The following TLL1 variants were observed in gnomAD, a reference collection of about 807,000 sequenced individuals.
TLL1 encodes the protein tolloid like 1.
In TLL1, 49 loss-of-function variants were observed where a neutral mutation model predicts 128.2. That is an observed-to-expected ratio of 0.38 (90% CI 0.30 to 0.48). The LOEUF (loss-of-function observed/expected upper bound fraction) is 0.48, where lower values mean the gene tolerates loss of function less well. TLL1 is among the 20% of genes least tolerant of loss of function. The pLI, the probability that TLL1 is intolerant of heterozygous loss-of-function variation, is 0.96. For missense variants in TLL1, 1,123 were observed against 1,242.0 expected (o/e 0.90, Z 1.44); for synonymous variants, 454 against 418.8 (o/e 1.08, Z -1.03).
intron 1 of TLL1, among the ~76,000 whole-genome samples, chr4:165,907,985 T>C (rs562601465): frequency 1.3e-5 from 2 of 152,342 alleles, no homozygotes; most frequent in East Asian, 1.9e-4. Context: ...AGATACTCTT[T>C]ACCAGTTCAC....
chr4:166,045,425 A>T (rs183315685), intron 12 of TLL1, among the ~76,000 whole-genome samples: 1 of 152,246 alleles, frequency 6.6e-6, no homozygotes. Context: ...CCAATCTATC[A>T]GCATATATCA....
At chr4:166,078,217 G>A (rs773292078) in intron 18 of TLL1, among the ~76,000 whole-genome samples, 187 bp downstream of exon 18, 5 of 152,028 alleles carry the variant, frequency 3.3e-5, no homozygotes, top group African/African-American at 9.7e-5. Context: ...TGACTGCCAC[G>A]TTGTTCTCCT....
chr4:166,026,016 A>G (rs1300468772), intron 9 of TLL1, among the ~76,000 whole-genome samples: 1 of 152,174 alleles, frequency 6.6e-6, no homozygotes, highest in Admixed American at 6.5e-5. Flanking sequence ...AGATAAAATT[A>G]ATAACATGAA....
At chr4:165,992,191 G>A (rs1415672603) in intron 2 of TLL1, among the ~76,000 whole-genome samples, 1 of 151,970 alleles carries the variant, frequency 6.6e-6, no homozygotes, top group Admixed American at 6.6e-5. Context: ...CAGCGTAACA[G>A]AATATATTTT....
intron 1 of TLL1, among the ~76,000 whole-genome samples, chr4:165,911,122 A>C (rs1313873511): frequency 6.6e-6 from 1 of 152,184 alleles, no homozygotes. Flanking sequence ...ACTATCAAAC[A>C]CTAGAACTTA....
At chr4:165,882,743 C>T (rs753482013) in intron 1 of TLL1, among the ~76,000 whole-genome samples, 3 of 151,948 alleles carry the variant, frequency 2.0e-5, no homozygotes, top group South Asian at 2.1e-4. Flanking sequence ...CTTAGCCTCC[C>T]GAGTAGCTGG....
intron 4 of TLL1, 35 bp downstream of exon 4, chr4:165,994,568 A>C (rs1736782615): frequency 3.1e-6 from 5 of 1,609,276 alleles, no homozygotes; most frequent in East Asian, 4.5e-5. Flanking sequence ...TTTCATAAAG[A>C]AATAAAAACT....
intron 9 of TLL1, among the ~76,000 whole-genome samples, chr4:166,028,125 C>T (rs1245616822): frequency 1.3e-5 from 2 of 151,788 alleles, no homozygotes; most frequent in Non-Finnish European, 2.9e-5. Context: ...ACTTCTTGAG[C>T]TGGGAATTTA....
At chr4:166,057,155 T>C in intron 13 of TLL1, 29 bp from the exon 14 acceptor site, 1 of 1,613,130 alleles carries the variant, frequency 6.2e-7, no homozygotes, top group Non-Finnish European at 8.5e-7. Context: ...ATATGTATAG[T>C]TGTTCTATAA....
chr4:166,056,977 C>A (rs551985441), intron 13 of TLL1, among the ~76,000 whole-genome samples: 1 of 152,018 alleles, frequency 6.6e-6, no homozygotes, highest in South Asian at 2.1e-4. Flanking sequence ...GAAAGATTTA[C>A]GCCCTCATAT....
At chr4:166,041,650 T>C (rs1739245738) in intron 10 of TLL1, among the ~76,000 whole-genome samples, 1 of 152,176 alleles carries the variant, frequency 6.6e-6, no homozygotes, top group Non-Finnish European at 1.5e-5. Context: ...AGGTTGACAA[T>C]TTGAAACCAC....
At chr4:165,997,978 G>A (rs1579600510) in intron 5 of TLL1, among the ~76,000 whole-genome samples, 1 of 152,170 alleles carries the variant, frequency 6.6e-6, no homozygotes, top group East Asian at 1.9e-4. Flanking sequence ...TAGTACAACA[G>A]TATGAGAGAA....
intron 6 of TLL1, among the ~76,000 whole-genome samples, chr4:166,004,018 C>T (rs575884250): frequency 3.9e-5 from 6 of 152,074 alleles, no homozygotes; most frequent in South Asian, 2.1e-4. Context: ...TGGAGAAAAT[C>T]CAGTGAAATG....
chr4:165,891,949 C>T (rs1300320889), intron 1 of TLL1, among the ~76,000 whole-genome samples: 1 of 152,164 alleles, frequency 6.6e-6, no homozygotes, highest in East Asian at 1.9e-4. Flanking sequence ...GAAAGACAAA[C>T]CTGAGACTGG....
At chr4:165,880,182 C>T (rs550857061) in intron 1 of TLL1, among the ~76,000 whole-genome samples, 2 of 152,238 alleles carry the variant, frequency 1.3e-5, no homozygotes, top group South Asian at 4.1e-4. Flanking sequence ...TCATTGTGAG[C>T]CCTAAAAATG....
chr4:166,104,156 G>A lies in TLL1; in HGVS notation c.*3280G>A, dbSNP rs1366730883. On this transcript the variant is annotated 3_prime_UTR_variant, in exon 21 of 21. Coordinates refer to ENST00000061240, the MANE Select transcript of TLL1 (RefSeq NM_012464.5). Reference sequence around the variant, plus strand: ...AATACTGCTGTATTTTTGGTGGTAAGCTTCAAATATCAAATTTTGTTCTGC... The same window carrying A: ...AATACTGCTGTATTTTTGGTGGTAAACTTCAAATATCAAATTTTGTTCTGC... 6.6e-6 allele frequency among the ~76,000 whole-genome samples: 1 copy of A among 151,802 alleles called. No homozygotes were observed. Among genetic ancestry groups the A allele is most frequent in the African/African-American group, 2.4e-5 (1 of 41,390 alleles).
chr4:165,874,949 G>A (rs1490845697), intron 1 of TLL1: 2 of 152,346 alleles, frequency 1.3e-5, no homozygotes, highest in African/African-American at 2.4e-5. Flanking sequence ...GCGCCTGAGG[G>A]CGCCCAGCAC....
At chr4:166,092,333 T>C (rs1741813442) in intron 19 of TLL1, among the ~76,000 whole-genome samples, 1 of 152,118 alleles carries the variant, frequency 6.6e-6, no homozygotes, top group South Asian at 2.1e-4. Context: ...TAGATTTATA[T>C]TGAAGTCTGT....
intron 1 of TLL1, among the ~76,000 whole-genome samples, chr4:165,963,366 G>GA (rs1735212610): frequency 6.6e-6 from 1 of 152,110 alleles, no homozygotes; most frequent in African/African-American, 2.4e-5. Context: ...TTGAGTTGGA[G>GA]AATCTAGGTT....
Sources: gnomAD v4.1 joint callset for allele counts (sites outside exome capture counted in the v4.1 genomes callset) on GRCh38, gnomAD v4.1.1 for gene constraint, MANE v1.5 for transcripts, NCBI Gene and HGNC (gene_info 2026-07-23, HGNC 2026-07-21) for gene names.